The following RBFOX1 variants were observed in gnomAD, a reference collection of about 807,000 sequenced individuals.
RBFOX1 encodes the protein RNA binding protein fox-1 homolog 1.
Under a neutral mutation model 57.7 loss-of-function variants are expected in RBFOX1, and 8 were observed. That is an observed-to-expected ratio of 0.14 (90% CI 0.08 to 0.25). The LOEUF (loss-of-function observed/expected upper bound fraction) is 0.25. Among genes scored for constraint, RBFOX1 ranks in the 10% least tolerant of loss-of-function variants. The pLI is 1.00. For synonymous variants in RBFOX1, 326 were observed against 222.4 expected (o/e 1.47, Z -4.15); for missense variants, 611 against 548.5 (o/e 1.11, Z -1.14).
chr16:6,234,332 C>A (rs1459514943), intron 1 of RBFOX1, among the ~76,000 whole-genome samples: 1 of 152,110 alleles, frequency 6.6e-6, no homozygotes, highest in East Asian at 1.9e-4. Context: ...GCATTTAGTT[C>A]AGTTGTAAAT....
At chr16:5,854,582 T>TCACA (rs3041543) in intron 3 of RBFOX1, among the ~76,000 whole-genome samples, 16,767 of 148,486 alleles carry the variant, frequency 0.11, 1,024 homozygotes, top group East Asian at 0.18. Flanking sequence ...AAGCACACAT[T>TCACA]CACACACACA....
intron 4 of RBFOX1, among the ~76,000 whole-genome samples, chr16:5,953,050 A>G (rs1044620458): frequency 6.6e-6 from 1 of 150,520 alleles, no homozygotes; most frequent in Non-Finnish European, 1.5e-5. Context: ...TCTCCTGCGG[A>G]AGATTATCAA....
Position 6,019,773 on chromosome 16 carries a change from G to C in RBFOX1, c.-346G>C. ...CGCTCCAGACCCCCACCCAGTGGCC[G>C]CCAGGGTCCCCGCCTGTCCGGACCC... On this transcript the variant is annotated 5_prime_UTR_variant, in exon 1 of 16. Coordinates refer to ENST00000550418, the MANE Select transcript of RBFOX1 (RefSeq NM_018723.4). This position sits in a 1 kb window ranked among gnomAD's most constrained non-coding sequence, Gnocchi z 4.2. The C allele has an allele frequency of 7.1e-7, 1 of 1,407,716 alleles. No individual in the cohort carries two copies. Among genetic ancestry groups the C allele is most frequent in the Non-Finnish European group, 9.3e-7 (1 of 1,079,842 alleles). The allele number at this position is 1,407,716 out of a possible 1,614,324, so 87.2% of individuals were successfully genotyped here.
intron 1 of RBFOX1, among the ~76,000 whole-genome samples, chr16:5,391,205 C>T (rs1418770688): frequency 6.6e-6 from 1 of 152,192 alleles, no homozygotes; most frequent in Non-Finnish European, 1.5e-5. Context: ...TGTAAAATAT[C>T]ACCCAAAACT....
At chr16:5,530,552 C>G (rs1029496645) in intron 2 of RBFOX1, among the ~76,000 whole-genome samples, 1 of 151,722 alleles carries the variant, frequency 6.6e-6, no homozygotes, top group Non-Finnish European at 1.5e-5. Context: ...GGCAGCGTTT[C>G]TTAACATCTA....
In RBFOX1 at chr16:6,184,724, TC is replaced by T. The variant is rs1255277615; in HGVS notation, c.-126-132270del. Among the ~76,000 whole-genome samples the T allele has an allele frequency of 6.1e-5, 7 of 114,798 alleles. No homozygotes were observed. The East Asian group carries it at 2.4e-3, about 40-fold the overall frequency. 75.3% of individuals were successfully genotyped at this position (114,798 alleles called of 152,430 possible). On this transcript the variant is annotated intron_variant, in intron 1 of 15. Coordinates refer to ENST00000550418, the MANE Select transcript of RBFOX1 (RefSeq NM_018723.4). ...ACAGGTGGCTGCCACCATGCCTGGC[TC>T]ATTTTTTTTTTTTTTGTATTTTTAG... is the stretch of plus-strand genomic sequence containing the variant.
exon 3 of RBFOX1, chr16:5,599,407 C>T (rs1401369119): frequency 3.5e-6 from 2 of 577,914 alleles, no homozygotes; most frequent in Non-Finnish European, 3.0e-6. Flanking sequence ...GGCTTGGAGT[C>T]ACTGGGGTAC....
At chr16:7,357,507 G>C (rs571112407) in intron 4 of RBFOX1, among the ~76,000 whole-genome samples, 1 of 152,102 alleles carries the variant, frequency 6.6e-6, no homozygotes, top group East Asian at 1.9e-4. Flanking sequence ...GCTTACTGCT[G>C]TTTGAAGAAA....
rs180850123 is a variant in RBFOX1 at position 7,417,857 on chromosome 16, C to T, written c.28-100290C>T. 1.4e-4 allele frequency among the ~76,000 whole-genome samples: 22 copies of T among 152,288 alleles called. No individual in the cohort carries two copies. The East Asian group carries it at 1.7e-3, about 12-fold the overall frequency. ...CTTGATTGTCTACTTCACTTCTTGA[C>T]GCACTTTCGTTCCTCTGTCATCTCC... On this transcript the variant is annotated intron_variant, in intron 4 of 15. Transcript: ENST00000550418.
At chr16:6,513,369 C>T (rs2096292922) in intron 2 of RBFOX1, among the ~76,000 whole-genome samples, 1 of 151,588 alleles carries the variant, frequency 6.6e-6, no homozygotes, top group African/African-American at 2.4e-5. Context: ...TTCCTTATGG[C>T]CTCATATCTA....
intron 1 of RBFOX1, among the ~76,000 whole-genome samples, chr16:6,030,869 A>G (rs544026700): frequency 7.2e-5 from 11 of 152,292 alleles, no homozygotes; most frequent in Non-Finnish European, 1.5e-4. Flanking sequence ...CATTCAGCAA[A>G]CATTTTTGAG....
chr16:6,128,474 C>T lies in RBFOX1; in HGVS notation c.-127+108482C>T, dbSNP rs539534149. ...TGTGATCTTGGAGAGAAGGGAGACA[C>T]CTAAGGTGAGCCTCATGAAAGCTCT... On this transcript the variant is annotated intron_variant, in intron 1 of 15. Coordinates refer to ENST00000550418, the MANE Select transcript of RBFOX1 (RefSeq NM_018723.4). 2.6e-5 allele frequency among the ~76,000 whole-genome samples: 4 copies of T among 152,228 alleles called. No homozygotes were observed. In the East Asian group the frequency reaches 7.7e-4, roughly 29 times the overall value.
intron 3 of RBFOX1, among the ~76,000 whole-genome samples, chr16:6,950,828 C>A (rs964759779): frequency 2.0e-5 from 3 of 152,078 alleles, no homozygotes; most frequent in Admixed American, 6.6e-5. Flanking sequence ...ACATTTCCTT[C>A]CTCAGCTCTT....
chr16:7,290,593 T>C (rs370262254), intron 4 of RBFOX1, among the ~76,000 whole-genome samples: 2 of 152,316 alleles, frequency 1.3e-5, no homozygotes, highest in East Asian at 1.9e-4. Context: ...AGAGGACTAA[T>C]ATTTTCATTT....
intron 3 of RBFOX1, among the ~76,000 whole-genome samples, chr16:6,963,302 C>T (rs746113131): frequency 1.3e-4 from 19 of 151,558 alleles, no homozygotes; most frequent in Admixed American, 3.3e-4. Flanking sequence ...TTTTTTGTTG[C>T]TCTTGTTGTT....
At chr16:6,722,584 A>C (rs1463591619) in intron 3 of RBFOX1, among the ~76,000 whole-genome samples, 1 of 152,216 alleles carries the variant, frequency 6.6e-6, no homozygotes, top group Non-Finnish European at 1.5e-5. Flanking sequence ...GAACCTACAG[A>C]CTTCTTTAGA....
At chr16:6,074,491 A>G (rs546361333) in intron 1 of RBFOX1, among the ~76,000 whole-genome samples, 2 of 152,336 alleles carry the variant, frequency 1.3e-5, no homozygotes, top group African/African-American at 2.4e-5. Flanking sequence ...CTGCTAGAGC[A>G]TGGGGGTCCT....
At chr16:7,234,921 G>C (rs752666231) in intron 4 of RBFOX1, among the ~76,000 whole-genome samples, 2 of 152,042 alleles carry the variant, frequency 1.3e-5, no homozygotes, top group Non-Finnish European at 2.9e-5. Flanking sequence ...TCCATTTTCA[G>C]AGACTTACTG....
At chr16:6,566,119 C>A (rs866068588) in intron 2 of RBFOX1, among the ~76,000 whole-genome samples, 5 of 152,280 alleles carry the variant, frequency 3.3e-5, no homozygotes, top group Middle Eastern at 3.4e-3. Context: ...CATCACTGTT[C>A]AAATTTATTA....
Sources: allele counts gnomAD v4.1 joint callset (sites outside exome capture counted in the v4.1 genomes callset), GRCh38; gene constraint gnomAD v4.1.1; non-coding constraint Gnocchi (gnomAD v3.1); transcripts MANE v1.5; gene names NCBI Gene and HGNC (gene_info 2026-07-23, HGNC 2026-07-21).